The following UNC13C variants were observed in gnomAD, a reference collection of about 807,000 sequenced individuals.
UNC13C encodes unc-13 homolog C, also known as protein unc-13 homolog C.
A neutral mutation model predicts 245.4 loss-of-function variants in UNC13C; 174 were observed. That is an observed-to-expected ratio of 0.71 (90% CI 0.63 to 0.80). The LOEUF is 0.80. Ranked by LOEUF, UNC13C falls within the 30% of genes least tolerant of loss-of-function variation. The pLI is 0.00. For synonymous variants in UNC13C, 992 were observed against 895.1 expected (o/e 1.11, Z -1.93); for missense variants, 2,829 against 2,602.9 (o/e 1.09, Z -1.89).
the UNC13C span, among the ~76,000 whole-genome samples, chr15:53,899,713 C>A: frequency 6.6e-6 from 1 of 152,132 alleles, no homozygotes. Context: ...TACAGGCATG[C>A]GCCACCATGC....
intron 13 of UNC13C, among the ~76,000 whole-genome samples, chr15:54,313,249 G>A (rs150079840): frequency 1.5e-3 from 226 of 151,868 alleles, no homozygotes; most frequent in African/African-American, 5.4e-3. Flanking sequence ...AAGTACTTCC[G>A]CCACATTTTC....
chr15:54,181,226 A>G (rs1220242598), intron 4 of UNC13C, among the ~76,000 whole-genome samples: 1 of 152,018 alleles, frequency 6.6e-6, no homozygotes, highest in Non-Finnish European at 1.5e-5. Flanking sequence ...ATGGCTACCT[A>G]GTTATGCAAG....
At chr15:54,283,357 A>G (rs2037049851) in intron 10 of UNC13C, among the ~76,000 whole-genome samples, 1 of 152,204 alleles carries the variant, frequency 6.6e-6, no homozygotes, top group Admixed American at 6.5e-5. Context: ...AAAAGAATAT[A>G]AAATTTAAGT....
At chr15:54,500,287 G>T in intron 21 of UNC13C, 112 bp downstream of exon 21, 2 of 802,366 alleles carry the variant, frequency 2.5e-6, no homozygotes, top group Non-Finnish European at 2.0e-6. Context: ...CCATTCCCCA[G>T]TGACCAAAAT....
chr15:54,052,663 A>G (rs927460483), intron 2 of UNC13C, among the ~76,000 whole-genome samples: 3 of 152,372 alleles, frequency 2.0e-5, no homozygotes, highest in East Asian at 1.9e-4. Flanking sequence ...GTTAAAACCT[A>G]TCTTAAGTTT....
intron 6 of UNC13C, among the ~76,000 whole-genome samples, chr15:54,237,174 T>C (rs1245470828): frequency 6.6e-6 from 1 of 152,196 alleles, no homozygotes; most frequent in Non-Finnish European, 1.5e-5. Context: ...TCTAGGGAAC[T>C]ATGAACAACT....
chr15:54,338,353 T>TC lies in UNC13C; in HGVS notation c.4585-8_4585-7insC. On this transcript the variant is annotated splice_region_variant and splice_polypyrimidine_tract_variant and intron_variant, in intron 16 of 32. Coordinates refer to ENST00000260323, the MANE Select transcript of UNC13C (RefSeq NM_001080534.3). ...GCATTTGAGAAAATAAATGTCTGTCTTTGTCAGGTTCTGGAGCTGCAAAGC... is the reference window on the plus strand; with the variant it reads ...GCATTTGAGAAAATAAATGTCTGTCTCTTGTCAGGTTCTGGAGCTGCAAAGC... 1.3e-6 allele frequency: 2 copies of TC among 1,596,662 alleles called. No homozygotes were observed.
rs140941223 is a variant in UNC13C, at chr15:53,979,470, A to G, written c.-257+543A>G. On this transcript the variant is annotated intron_variant, in intron 1 of 32. Coordinates refer to ENST00000260323, the MANE Select transcript of UNC13C (RefSeq NM_001080534.3). ...GATCCTGCAGATTTACTTTCAAGAGATGAATTGCTTAAATTGTGTGCTTGG... is the reference window on the plus strand; with the variant it reads ...GATCCTGCAGATTTACTTTCAAGAGGTGAATTGCTTAAATTGTGTGCTTGG... 7.1e-3 allele frequency among the ~76,000 whole-genome samples: 962 copies of G among 136,352 alleles called. 3 individuals carry two copies. Among genetic ancestry groups the G allele is most frequent in the Non-Finnish European group, 8.8e-3 (534 of 60,870 alleles). The allele number at this position is 136,352 out of a possible 152,430, so 89.5% of individuals were successfully genotyped here. A position where few individuals can be genotyped will look rare whatever the true frequency, so the allele number is the denominator to read the frequency against.
intron 1 of UNC13C, among the ~76,000 whole-genome samples, chr15:54,010,539 G>A (rs1412878039): frequency 2.0e-5 from 3 of 152,138 alleles, no homozygotes; most frequent in African/African-American, 4.8e-5. Flanking sequence ...AGGCCCTTTA[G>A]TGAGGTAAAA....
At chr15:54,076,895 G>C (rs1898657233) in intron 2 of UNC13C, among the ~76,000 whole-genome samples, 1 of 152,162 alleles carries the variant, frequency 6.6e-6, no homozygotes, top group Non-Finnish European at 1.5e-5. Flanking sequence ...GATTGATTTA[G>C]AGAAATTATT....
intron 17 of UNC13C, among the ~76,000 whole-genome samples, chr15:54,384,210 G>A: frequency 6.6e-6 from 1 of 151,994 alleles, no homozygotes; most frequent in East Asian, 1.9e-4. Context: ...AAGCAACCCT[G>A]AGCATAAAGA....
chr15:53,878,532 A>G, the UNC13C span, among the ~76,000 whole-genome samples: 1 of 152,178 alleles, frequency 6.6e-6, no homozygotes, highest in African/African-American at 2.4e-5. Flanking sequence ...GCATGGCCAT[A>G]AGGGCCTGGC....
At chr15:54,075,483 C>A (rs1261015975) in intron 2 of UNC13C, among the ~76,000 whole-genome samples, 1 of 123,714 alleles carries the variant, frequency 8.1e-6, no homozygotes, top group African/African-American at 4.0e-5. Context: ...TGCAGTGAGC[C>A]GGAGCTTGCA....
rs186112736 is a variant in UNC13C at position 54,345,455 on chromosome 15, T to A, written c.4713+6966T>A. On this transcript the variant is annotated intron_variant, in intron 17 of 32. Coordinates refer to ENST00000260323, the MANE Select transcript of UNC13C (RefSeq NM_001080534.3). Reference sequence around the variant, plus strand: ...ATGGGAAAAGTAAATGAAGGCCACTTCTAGTCCCAACCCATAAAAACATCT... The same window carrying A: ...ATGGGAAAAGTAAATGAAGGCCACTACTAGTCCCAACCCATAAAAACATCT... 5.9e-5 allele frequency among the ~76,000 whole-genome samples: 9 copies of A among 152,232 alleles called. No individual in the cohort carries two copies. The East Asian group carries it at 1.7e-3, about 29-fold the overall frequency.
chr15:53,878,443 C>T, the UNC13C span, among the ~76,000 whole-genome samples: 6 of 152,284 alleles, frequency 3.9e-5, no homozygotes, highest in South Asian at 1.0e-3. Context: ...TTTCTGTTCT[C>T]TTTCCTCAAA....
At chr15:54,461,113 T>A (rs922864263) in intron 19 of UNC13C, among the ~76,000 whole-genome samples, 1 of 152,072 alleles carries the variant, frequency 6.6e-6, no homozygotes, top group Admixed American at 6.5e-5. Flanking sequence ...ATTTTTAATT[T>A]TTAAAACAAT....
chr15:53,840,924 A>G, the UNC13C span, among the ~76,000 whole-genome samples: 2 of 152,124 alleles, frequency 1.3e-5, no homozygotes, highest in South Asian at 4.1e-4. Context: ...ACATCATCCT[A>G]AAGTATTGGA....
At chr15:54,096,301 A>G (rs1305925952) in intron 2 of UNC13C, among the ~76,000 whole-genome samples, 1 of 150,210 alleles carries the variant, frequency 6.7e-6, no homozygotes, top group African/African-American at 2.5e-5. Context: ...TCCACGTTTC[A>G]TCACATGGTC....
the UNC13C span, among the ~76,000 whole-genome samples, chr15:53,903,835 CAGCTACAT>C: frequency 0.99 from 149,910 of 152,094 alleles, 73,912 homozygotes; most frequent in Middle Eastern, 1. Flanking sequence ...AAATTTCTGA[CAGCTACAT>C]AGCTACATTG....
Sources: allele counts gnomAD v4.1 joint callset (sites outside exome capture counted in the v4.1 genomes callset), GRCh38; gene constraint gnomAD v4.1.1; transcripts MANE v1.5; gene names NCBI Gene and HGNC (gene_info 2026-07-23, HGNC 2026-07-21).